Variants in SPAG16 observed in about 807,000 individuals in gnomAD.
SPAG16 encodes the protein sperm associated antigen 16.
In SPAG16, 86 loss-of-function variants were observed where a neutral mutation model predicts 80.4. The observed-to-expected ratio is 1.07, with a 90% CI of 0.90 to 1.28. The LOEUF (loss-of-function observed/expected upper bound fraction) is 1.28, where lower values mean the gene tolerates loss of function less well. Ranked by LOEUF, SPAG16 falls within the 50% of genes most tolerant of loss-of-function variation. The pLI is 0.00. For synonymous variants in SPAG16, 294 were observed against 265.9 expected (o/e 1.11, Z -1.03); for missense variants, 870 against 765.3 (o/e 1.14, Z -1.61).
At chr2:214,136,466 A>AATG (rs61312464) in intron 14 of SPAG16, among the ~76,000 whole-genome samples, 142 of 152,312 alleles carry the variant, frequency 9.3e-4, no homozygotes, top group African/African-American at 3.3e-3. Flanking sequence ...AAGTTATTGT[A>AATG]ATGATGTAGT....
intron 10 of SPAG16, among the ~76,000 whole-genome samples, chr2:213,509,895 A>G (rs1415515137): frequency 6.6e-6 from 1 of 152,196 alleles, no homozygotes; most frequent in South Asian, 2.1e-4. Context: ...TTTTGAAAGG[A>G]TCAACAAAAT....
At chr2:214,237,102 C>T (rs1221954556) in intron 15 of SPAG16, among the ~76,000 whole-genome samples, 1 of 152,118 alleles carries the variant, frequency 6.6e-6, no homozygotes, top group African/African-American at 2.4e-5. Context: ...AGTATTGACC[C>T]TTTCAGGGAC....
At chr2:214,223,160 G>A (rs1266329256) in intron 15 of SPAG16, among the ~76,000 whole-genome samples, 1 of 151,586 alleles carries the variant, frequency 6.6e-6, no homozygotes, top group African/African-American at 2.4e-5. Context: ...TCTTCCTGGG[G>A]AGACTTTATC....
intron 9 of SPAG16, among the ~76,000 whole-genome samples, chr2:213,425,182 G>C (rs538106674): frequency 4.6e-5 from 7 of 151,898 alleles, no homozygotes; most frequent in Admixed American, 6.6e-5. Context: ...AATTAGCCAG[G>C]CATGGTGGTG....
rs369164791 is a variant in SPAG16 at position 213,673,469 on chromosome 2, A to T, written c.1070+183379A>T. Among the ~76,000 whole-genome samples, 3 of 152,330 alleles carry T rather than the reference A, an allele frequency of 2.0e-5. No homozygotes were observed. In the East Asian group the frequency reaches 5.8e-4, roughly 29 times the overall value. On this transcript the variant is annotated intron_variant, in intron 10 of 15. Coordinates refer to ENST00000331683, the MANE Select transcript of SPAG16 (RefSeq NM_024532.5). ...TGGAAAGATTCAACTGTCTATTAATAAAAGACTAGAAGCAATCATGGCACC... is the reference window on the plus strand; with the variant it reads ...TGGAAAGATTCAACTGTCTATTAATTAAAGACTAGAAGCAATCATGGCACC...
At chr2:214,207,423 C>T (rs1017985573) in intron 15 of SPAG16, among the ~76,000 whole-genome samples, 3 of 152,120 alleles carry the variant, frequency 2.0e-5, no homozygotes, top group African/African-American at 7.2e-5. Flanking sequence ...TAAAGATATA[C>T]CACAATTTCT....
intron 15 of SPAG16, among the ~76,000 whole-genome samples, chr2:214,306,194 T>C (rs1694900811): frequency 6.6e-6 from 1 of 152,156 alleles, no homozygotes; most frequent in Non-Finnish European, 1.5e-5. Flanking sequence ...TGTTGGTGTA[T>C]TGGAATGATA....
chr2:213,825,899 C>T (rs1317761507), intron 10 of SPAG16, among the ~76,000 whole-genome samples: 3 of 151,598 alleles, frequency 2.0e-5, no homozygotes, highest in African/African-American at 7.3e-5. Context: ...CTTTTCTTTG[C>T]TGGGAGAGTT....
Position 213,297,270 on chromosome 2 carries a change from T to C in SPAG16, c.192T>C (p.Asp64=), listed in dbSNP as rs754394210. The C allele has an allele frequency of 6.2e-7, 1 of 1,610,714 alleles. No individual in the cohort carries two copies. Among genetic ancestry groups the C allele is most frequent in the East Asian group, 2.2e-5 (1 of 44,776 alleles). The change falls in exon 3 of 16, where the codon GAT becomes GAC. Residue 64 remains aspartate, a synonymous_variant. Coordinates refer to ENST00000331683, the MANE Select transcript of SPAG16 (RefSeq NM_024532.5). ...EDDYEYEEIP[D]DNFSIPEGEE... is the part of the protein sequence containing the mutation. ...CTTTCTCTGTGATCTAGATACCAGA[T>C]GACAATTTTAGCATCCCAGAAGGTG...
At chr2:213,854,199 C>T (rs887780059) in intron 10 of SPAG16, among the ~76,000 whole-genome samples, 1 of 152,038 alleles carries the variant, frequency 6.6e-6, no homozygotes, top group Non-Finnish European at 1.5e-5. Flanking sequence ...GAGAAAACAT[C>T]GTTTAATTGT....
At chr2:214,271,724 T>G (rs1185860076) in intron 15 of SPAG16, among the ~76,000 whole-genome samples, 1 of 151,856 alleles carries the variant, frequency 6.6e-6, no homozygotes, top group African/African-American at 2.4e-5. Flanking sequence ...CACTTGAACC[T>G]GGGAGGCGGA....
intron 10 of SPAG16, among the ~76,000 whole-genome samples, chr2:213,655,162 T>C (rs1366225521): frequency 6.6e-6 from 1 of 152,204 alleles, no homozygotes; most frequent in African/African-American, 2.4e-5. Flanking sequence ...GGTTCATCAA[T>C]TGTAACAAAT....
intron 13 of SPAG16, among the ~76,000 whole-genome samples, chr2:214,087,451 T>C (rs1347203022): frequency 2.6e-5 from 4 of 152,154 alleles, no homozygotes; most frequent in African/African-American, 9.7e-5. Context: ...TTATTAAGTA[T>C]TCATTATGTC....
rs1460933184 is a variant in SPAG16, at chr2:213,878,132, T to C, written c.1214+15504T>C. Among the ~76,000 whole-genome samples, 3 of 152,208 alleles carry C rather than the reference T, an allele frequency of 2.0e-5. No individual in the cohort carries two copies. The East Asian group carries it at 5.8e-4, about 29-fold the overall frequency. On this transcript the variant is annotated intron_variant, in intron 11 of 15. Transcript: ENST00000331683. ...TTGTGTTCTTACTCATTTTGAATTCTCTCTACCTTCTTACTAGTTTATATT... is the reference window on the plus strand; with the variant it reads ...TTGTGTTCTTACTCATTTTGAATTCCCTCTACCTTCTTACTAGTTTATATT...
intron 10 of SPAG16, among the ~76,000 whole-genome samples, chr2:213,596,574 T>C (rs910967119): frequency 6.6e-6 from 1 of 152,086 alleles, no homozygotes; most frequent in Non-Finnish European, 1.5e-5. Context: ...ACAGCTGGAG[T>C]GCAACAGTTT....
chr2:214,136,950 G>T (rs2055085945), intron 14 of SPAG16, among the ~76,000 whole-genome samples: 1 of 152,042 alleles, frequency 6.6e-6, no homozygotes, highest in South Asian at 2.1e-4. Context: ...ATGTTTCCCG[G>T]ACTTAATGTC....
At chr2:213,345,700 G>A (rs1415595833) in intron 6 of SPAG16, among the ~76,000 whole-genome samples, 5 of 147,030 alleles carry the variant, frequency 3.4e-5, no homozygotes, top group African/African-American at 5.0e-5. Flanking sequence ...TAGATGTGTG[G>A]CATTATTTCT....
intron 13 of SPAG16, among the ~76,000 whole-genome samples, chr2:214,046,575 C>G (rs2049337614): frequency 6.6e-6 from 1 of 152,038 alleles, no homozygotes; most frequent in Non-Finnish European, 1.5e-5. Flanking sequence ...TGATACATAT[C>G]AACAGAATGA....
intron 9 of SPAG16, among the ~76,000 whole-genome samples, chr2:213,432,865 T>C (rs1384487202): frequency 2.6e-5 from 4 of 152,060 alleles, no homozygotes; most frequent in Admixed American, 2.6e-4. Context: ...AAATAATAGC[T>C]AATCATATCC....
Sources: gnomAD v4.1 joint callset for allele counts (sites outside exome capture counted in the v4.1 genomes callset) on GRCh38, gnomAD v4.1.1 for gene constraint, MANE v1.5 for transcripts, NCBI Gene and HGNC (gene_info 2026-07-23, HGNC 2026-07-21) for gene names.